GRB10: variants seen among roughly 807,000 people sequenced by gnomAD.
GRB10 encodes growth factor receptor bound protein 10.
GRB10 carries 20 observed loss-of-function variants against 80.9 expected under a neutral mutation model. That is an observed-to-expected ratio of 0.25 (90% CI 0.17 to 0.36). The LOEUF (loss-of-function observed/expected upper bound fraction) is 0.36, where lower values mean the gene tolerates loss of function less well. Among genes scored for constraint, GRB10 ranks in the 10% least tolerant of loss-of-function variants. The pLI is 1.00. For synonymous variants in GRB10, 291 were observed against 291.5 expected (o/e 1.00, Z 0.02); for missense variants, 548 against 747.7 (o/e 0.73, Z 3.12).
At chr7:50,686,410 T>A (rs1424457299) in intron 5 of GRB10, among the ~76,000 whole-genome samples, 1 of 152,190 alleles carries the variant, frequency 6.6e-6, no homozygotes, top group Non-Finnish European at 1.5e-5. Flanking sequence ...ATTGATGGCA[T>A]TTTCTTACAG....
chr7:50,714,829 C>A (rs2066585584), intron 4 of GRB10, among the ~76,000 whole-genome samples: 1 of 152,120 alleles, frequency 6.6e-6, no homozygotes, highest in Admixed American at 6.5e-5. Flanking sequence ...AACCAGAGAA[C>A]CAAACCATGT....
chr7:50,707,201 TATTACTCTTTCCTCTTCCTGAC>T (rs1000749369), intron 4 of GRB10, among the ~76,000 whole-genome samples: 4 of 152,234 alleles, frequency 2.6e-5, no homozygotes, highest in Non-Finnish European at 5.9e-5. Flanking sequence ...TGACTTGATG[TATTACTCTTTCCTCTTCCTGAC>T]ATTTATTTTG....
upstream of GRB10, among the ~76,000 whole-genome samples, chr7:50,783,795 A>C (rs1383568855): frequency 6.6e-6 from 1 of 152,202 alleles, no homozygotes; most frequent in Non-Finnish European, 1.5e-5. Flanking sequence ...CACACACGTT[A>C]AGGGGCAGGG....
chr7:50,775,165 AAAAAAAAAC>A (rs200704398), intron 2 of GRB10, among the ~76,000 whole-genome samples: 2,735 of 125,524 alleles, frequency 0.022, 404 homozygotes, highest in African/African-American at 0.072. Flanking sequence ...TGTCTCCAAA[AAAAAAAAAC>A]AAAAAAAAAC....
chr7:50,687,730 C>T (rs1211833815), intron 5 of GRB10, among the ~76,000 whole-genome samples: 1 of 152,122 alleles, frequency 6.6e-6, no homozygotes, highest in African/African-American at 2.4e-5. Flanking sequence ...TCAGTCTCCC[C>T]CTCAGTACCT....
chr7:50,789,305 A>C (rs970486292), intron 1 of GRB10, among the ~76,000 whole-genome samples: 1 of 152,254 alleles, frequency 6.6e-6, no homozygotes, highest in African/African-American at 2.4e-5. Flanking sequence ...AAACTGCTCT[A>C]AGACAAGGCT....
intron 5 of GRB10, among the ~76,000 whole-genome samples, chr7:50,686,487 G>A (rs2062117503): frequency 1.3e-5 from 2 of 152,176 alleles, no homozygotes; most frequent in African/African-American, 2.4e-5. Flanking sequence ...TATTTTTGAG[G>A]TGCCTTCTGA....
chr7:50,748,895 T>C (rs2073551446), intron 3 of GRB10, among the ~76,000 whole-genome samples: 1 of 152,146 alleles, frequency 6.6e-6, no homozygotes, highest in African/African-American at 2.4e-5. Context: ...ACCAGGACAT[T>C]TATTTCCAAA....
intron 13 of GRB10, among the ~76,000 whole-genome samples, chr7:50,609,483 T>A (rs2049126501): frequency 1.3e-5 from 2 of 152,266 alleles, no homozygotes; most frequent in Admixed American, 6.5e-5. Context: ...ATACACATTT[T>A]ATTTTATTCA....
At chr7:50,699,895 G>A (rs1346938776) in intron 5 of GRB10, among the ~76,000 whole-genome samples, 1 of 152,132 alleles carries the variant, frequency 6.6e-6, no homozygotes, top group Admixed American at 6.5e-5. Flanking sequence ...CAACACTTTG[G>A]GAGGCCGAGG....
rs1016632330 is a variant in GRB10, at chr7:50,632,289, T to TA, written c.505-5312dup. On this transcript the variant is annotated intron_variant, in intron 7 of 18. Transcript: ENST00000401949. ...TCAATTATAGTGACTCAAACCTACT[T>TA]AAAAAAAATGTGCTTAATAGCCTGC... 1.9e-4 allele frequency among the ~76,000 whole-genome samples: 29 copies of TA among 152,136 alleles called. No homozygotes were observed. The South Asian group carries it at 5.2e-3, about 27-fold the overall frequency.
intron 5 of GRB10, among the ~76,000 whole-genome samples, chr7:50,675,931 T>A (rs1188049202): frequency 6.6e-6 from 1 of 152,220 alleles, no homozygotes; most frequent in East Asian, 1.9e-4. Flanking sequence ...CATTCTTGCA[T>A]CCATACAATA....
At chr7:50,692,667 A>G (rs1311507431) in intron 5 of GRB10, among the ~76,000 whole-genome samples, 3 of 152,230 alleles carry the variant, frequency 2.0e-5, no homozygotes, top group Non-Finnish European at 4.4e-5. Context: ...GTATGACTTC[A>G]GACCAGGCAG....
chr7:50,783,797 G>A (rs536874194), upstream of GRB10, among the ~76,000 whole-genome samples: 41 of 152,314 alleles, frequency 2.7e-4, no homozygotes, highest in South Asian at 2.1e-3. Flanking sequence ...CACACGTTAA[G>A]GGGCAGGGCG....
chr7:50,758,366 A>T (rs944335636), intron 2 of GRB10, among the ~76,000 whole-genome samples: 15 of 152,230 alleles, frequency 9.9e-5, no homozygotes, highest in African/African-American at 3.6e-4. Context: ...CCAGTTAGAT[A>T]CGACTTAAAC....
chr7:50,764,905 T>A (rs943540401), intron 2 of GRB10, among the ~76,000 whole-genome samples: 3 of 152,050 alleles, frequency 2.0e-5, no homozygotes, highest in Non-Finnish European at 4.4e-5. Flanking sequence ...TGAGAGAAAC[T>A]ATTTGCAAAC....
At chr7:50,610,111 C>T (rs1233866750) in intron 13 of GRB10, among the ~76,000 whole-genome samples, 3 of 152,256 alleles carry the variant, frequency 2.0e-5, no homozygotes, top group South Asian at 2.1e-4. Context: ...AAAGGGGATC[C>T]GGTGTCCTGT....
chr7:50,742,952 G>A (rs560116167), intron 3 of GRB10, among the ~76,000 whole-genome samples: 3 of 152,112 alleles, frequency 2.0e-5, no homozygotes, highest in South Asian at 4.2e-4. Flanking sequence ...AACTATACTC[G>A]GTTCCTCAAA....
intron 17 of GRB10, among the ~76,000 whole-genome samples, chr7:50,600,868 G>A (rs2047475893): frequency 1.3e-5 from 2 of 152,168 alleles, no homozygotes; most frequent in African/African-American, 4.8e-5. Context: ...TATTACATAG[G>A]CCCTGCCCTT....
Sources: gnomAD v4.1 joint callset for allele counts (sites outside exome capture counted in the v4.1 genomes callset) on GRCh38, gnomAD v4.1.1 for gene constraint, MANE v1.5 for transcripts, NCBI Gene and HGNC (gene_info 2026-07-23, HGNC 2026-07-21) for gene names.